The following RTBDN variants were observed in gnomAD, a reference collection of about 807,000 sequenced individuals.
The protein encoded by RTBDN is retbindin.
RTBDN carries 24 observed loss-of-function variants against 21.9 expected under a neutral mutation model. The observed-to-expected ratio is 1.10, with a 90% CI of 0.79 to 1.54. The LOEUF is 1.54. Among genes scored for constraint, RTBDN ranks in the 40% most tolerant of loss-of-function variants. The pLI is 0.00. For missense variants in RTBDN, 325 were observed against 315.2 expected, an observed-to-expected ratio of 1.03 and a Z score of -0.23; for synonymous variants, 141 against 125.9, an observed-to-expected ratio of 1.12 and a Z score of -0.80.
upstream of RTBDN, chr19:12,835,391 C>T (rs1291606670): frequency 2.3e-6 from 1 of 442,194 alleles, no homozygotes; most frequent in Non-Finnish European, 4.1e-6. Flanking sequence ...AGAGCAAGTA[C>T]TGCAGCAGCC....
chr19:12,834,447 G>T lies in RTBDN; in HGVS notation c.-19+42C>A. 2 of 1,455,596 alleles carry T rather than the reference G, an allele frequency of 1.4e-6. No homozygotes were observed. The highest frequency in any genetic ancestry group is 9.3e-7 in the Non-Finnish European group (1 of 1,074,302). 90.2% of individuals were successfully genotyped at this position (1,455,596 alleles called of 1,614,324 possible). ...AACCTCGCCCCTCACCACCCCAGGA[G>T]CCCCCTCCCGAGGCATAGGACGCCC... On this transcript the variant is annotated intron_variant, in intron 1 of 5. Coordinates refer to ENST00000674343, the MANE Select transcript of RTBDN (RefSeq NM_001270441.2). This position sits in a 1 kb window ranked among gnomAD's most constrained non-coding sequence, Gnocchi z 4.7.
chr19:12,834,516 T>C lies in RTBDN; in HGVS notation c.-46A>G. ...GCCTGGCCATCAGGATTCTTCCTACTGCCCTAATTGGACAGGCACCTAGAC... is the reference window on the plus strand; with the variant it reads ...GCCTGGCCATCAGGATTCTTCCTACCGCCCTAATTGGACAGGCACCTAGAC... On this transcript the variant is annotated 5_prime_UTR_variant, in exon 1 of 6. Coordinates refer to ENST00000674343, the MANE Select transcript of RTBDN (RefSeq NM_001270441.2). This position sits in a 1 kb window ranked among gnomAD's most constrained non-coding sequence, Gnocchi z 4.7. 6.5e-7 allele frequency: 1 copy of C among 1,535,542 alleles called. No individual in the cohort carries two copies. The highest frequency in any genetic ancestry group is 8.7e-7 in the Non-Finnish European group (1 of 1,146,626).
At chr19:12,833,576 A>T (rs1969651813) in intron 1 of RTBDN, among the ~76,000 whole-genome samples, 1 of 151,948 alleles carries the variant, frequency 6.6e-6, no homozygotes, top group Non-Finnish European at 1.5e-5. Context: ...ATGTAGAGGG[A>T]ATGTATCTCA....
intron 1 of RTBDN, among the ~76,000 whole-genome samples, chr19:12,831,883 TG>T (rs1268549332): frequency 6.6e-6 from 1 of 152,228 alleles, no homozygotes; most frequent in Non-Finnish European, 1.5e-5. Flanking sequence ...ATAATTTGTG[TG>T]CAACTGGACA....
chr19:12,832,130 T>G (rs1568401221), intron 1 of RTBDN, among the ~76,000 whole-genome samples: 1 of 152,166 alleles, frequency 6.6e-6, no homozygotes, highest in Admixed American at 6.5e-5. Flanking sequence ...GGTCTGTGTT[T>G]GTGGAGTATA....
In RTBDN at chr19:12,830,689, G is replaced by A; in HGVS notation, c.-18-692C>T. 5.1e-6 allele frequency: 5 copies of A among 985,594 alleles called. No individual in the cohort carries two copies. The highest frequency in any genetic ancestry group is 4.8e-6 in the Non-Finnish European group (4 of 830,056). 61.1% of individuals were successfully genotyped at this position (985,594 alleles called of 1,614,324 possible). A position where few individuals can be genotyped will look rare whatever the true frequency, so the allele number is the denominator to read the frequency against. ...CAGGAAACTGGCTGCTGAAAGGGGC[G>A]TGGCTTAATGCAGGGGCGGGACCTC... On this transcript the variant is annotated intron_variant, in intron 1 of 5. Transcript: ENST00000674343. This position sits in a 1 kb window ranked among gnomAD's most constrained non-coding sequence, Gnocchi z 4.2.
chr19:12,830,253 C>T lies in RTBDN; in HGVS notation c.-18-256G>A. On this transcript the variant is annotated intron_variant, in intron 1 of 5. Coordinates refer to ENST00000674343, the MANE Select transcript of RTBDN (RefSeq NM_001270441.2). This position sits in a 1 kb window ranked among gnomAD's most constrained non-coding sequence, Gnocchi z 4.2. ...CCCAACCAAGCTTAGACCACAGTGG[C>T]CCTCCTCCCATCCAGCAGGATCTCC... 8.1e-7 allele frequency: 1 copy of T among 1,228,506 alleles called. No homozygotes were observed. The highest frequency in any genetic ancestry group is 1.0e-6 in the Non-Finnish European group (1 of 980,948). 76.1% of individuals were successfully genotyped at this position (1,228,506 alleles called of 1,614,324 possible).
chr19:12,826,714 A>C (rs1969314577), intron 5 of RTBDN, 61 bp downstream of exon 5: 2 of 1,099,002 alleles, frequency 1.8e-6, no homozygotes, highest in East Asian at 5.2e-5. Context: ...TAAATAAATA[A>C]ATAAATAACT....
chr19:12,826,079 AGTGGGG>A (rs1200937882), intron 5 of RTBDN, 146 bp from the exon 6 acceptor site: 1 of 1,402,284 alleles, frequency 7.1e-7, no homozygotes, highest in Non-Finnish European at 9.2e-7. Context: ...GCGGAACGTG[AGTGGGG>A]GCAGGTCCTT....
At chr19:12,834,730 A>C, upstream of RTBDN, 2 of 1,589,020 alleles carry the variant, frequency 1.3e-6, no homozygotes, top group South Asian at 2.2e-5. The surrounding 1 kb of genome is among the most constrained non-coding windows in gnomAD (Gnocchi z 4.7). Flanking sequence ...GACACTGAGG[A>C]TCGCTGTGGA....
intron 1 of RTBDN, among the ~76,000 whole-genome samples, chr19:12,831,202 GT>G (rs1042693461): frequency 3.3e-5 from 5 of 152,090 alleles, no homozygotes; most frequent in African/African-American, 1.2e-4. Context: ...GTGGATAAAG[GT>G]TTTTGACCAT....
chr19:12,826,139 G>C, intron 5 of RTBDN: 2 of 1,392,314 alleles, frequency 1.4e-6, no homozygotes, highest in Non-Finnish European at 1.9e-6. Flanking sequence ...GGATGAATCA[G>C]GGTTGGGGCA....
Position 12,829,985 on chromosome 19 carries a change from C to T in RTBDN, c.-6G>A, listed in dbSNP as rs1407901644. ...ATGTGGACCCTGCAGTCCATGTCCACCTGAGATAAGAGCTGGCAGGCATAG... is the reference window on the plus strand; with the variant it reads ...ATGTGGACCCTGCAGTCCATGTCCATCTGAGATAAGAGCTGGCAGGCATAG... On this transcript the variant is annotated 5_prime_UTR_variant, in exon 2 of 6. The change creates a new upstream start codon in the 5' untranslated region. Transcript: ENST00000674343. 6.2e-7 allele frequency: 1 copy of T among 1,604,778 alleles called. No homozygotes were observed. The highest frequency in any genetic ancestry group is 1.7e-5 in the Admixed American group (1 of 59,836).
upstream of RTBDN, chr19:12,834,800 G>A: frequency 1.9e-6 from 3 of 1,614,184 alleles, no homozygotes; most frequent in Non-Finnish European, 2.5e-6. This position sits in a 1 kb window ranked among gnomAD's most constrained non-coding sequence, Gnocchi z 4.7. Context: ...AGGTGGGGAG[G>A]GATTCTGTAG....
rs1969258675 is a variant in RTBDN, at chr19:12,825,696, C to T, written c.*10G>A. ...AAGGGTCGCTCCCCCAACTCAGGGC[C>T]ACGCGTCCGCTAGGGGCCGCTGCCG... On this transcript the variant is annotated 3_prime_UTR_variant, in exon 6 of 6. Coordinates refer to ENST00000674343, the MANE Select transcript of RTBDN (RefSeq NM_001270441.2). The T allele has an allele frequency of 1.9e-6, 3 of 1,555,006 alleles. No individual in the cohort carries two copies. Among genetic ancestry groups the T allele is most frequent in the African/African-American group, 1.4e-5 (1 of 73,442 alleles).
chr19:12,831,435 T>C (rs1235742015), intron 1 of RTBDN, among the ~76,000 whole-genome samples: 1 of 152,222 alleles, frequency 6.6e-6, no homozygotes, highest in Admixed American at 6.5e-5. Flanking sequence ...CCAGGCATGG[T>C]GGTTCACACC....
At position 12,828,716 on chromosome 19, in the gene RTBDN, G is replaced by A. The variant is rs763468296; in HGVS notation, c.306C>T (p.Arg102=). 1.1e-5 allele frequency: 18 copies of A among 1,614,136 alleles called. No homozygotes were observed. In the East Asian group the frequency reaches 4.0e-4, roughly 36 times the overall value. Residue 102 remains arginine, a synonymous_variant, in exon 4 of 6, where the codon CGC becomes CGT. Coordinates refer to ENST00000674343, the MANE Select transcript of RTBDN (RefSeq NM_001270441.2). ...HLQRALRSRF[R]LRLLGVRQAQ... Reference sequence around the variant, plus strand: ...CCTGGCGTACCCCCAATAGCCGCAGGCGGAAGCGACTGCGAAGGGCACGTT... The same window carrying A: ...CCTGGCGTACCCCCAATAGCCGCAGACGGAAGCGACTGCGAAGGGCACGTT...
chr19:12,830,123 C>T lies in RTBDN; in HGVS notation c.-18-126G>A. On this transcript the variant is annotated intron_variant, in intron 1 of 5. Coordinates refer to ENST00000674343, the MANE Select transcript of RTBDN (RefSeq NM_001270441.2). The surrounding 1 kb of genome is among the most constrained non-coding windows in gnomAD (Gnocchi z 4.2). ...AGTGCAGCTGAGGAGGAGGCTGGGGCAGTGGCCAAGGACGTTCAAATCCCA... is the reference window on the plus strand; with the variant it reads ...AGTGCAGCTGAGGAGGAGGCTGGGGTAGTGGCCAAGGACGTTCAAATCCCA... The T allele has an allele frequency of 1.5e-6, 2 of 1,312,016 alleles. No individual in the cohort carries two copies. Among genetic ancestry groups the T allele is most frequent in the Non-Finnish European group, 1.0e-6 (1 of 975,264 alleles). The allele number at this position is 1,312,016 out of a possible 1,614,324, so 81.3% of individuals were successfully genotyped here. A position where few individuals can be genotyped will look rare whatever the true frequency, so the allele number is the denominator to read the frequency against.
chr19:12,830,321 A>G lies in RTBDN; in HGVS notation c.-18-324T>C. Reference sequence around the variant, plus strand: ...AGAGACCCCTTCTTTTCTCAGAATGAAGGGGACCTCCCTAGGTCTTCCAAT... The same window carrying G: ...AGAGACCCCTTCTTTTCTCAGAATGGAGGGGACCTCCCTAGGTCTTCCAAT... On this transcript the variant is annotated intron_variant, in intron 1 of 5. Transcript: ENST00000674343. This position sits in a 1 kb window ranked among gnomAD's most constrained non-coding sequence, Gnocchi z 4.2. 1 of 1,066,986 alleles carries G rather than the reference A, an allele frequency of 9.4e-7. No homozygotes were observed. The highest frequency in any genetic ancestry group is 1.1e-6 in the Non-Finnish European group (1 of 881,324). The allele number at this position is 1,066,986 out of a possible 1,614,324, so 66.1% of individuals were successfully genotyped here. A position where few individuals can be genotyped will look rare whatever the true frequency, so the allele number is the denominator to read the frequency against.
Sources: gnomAD v4.1 joint callset for allele counts (sites outside exome capture counted in the v4.1 genomes callset) on GRCh38, gnomAD v4.1.1 for gene constraint, Gnocchi (gnomAD v3.1) non-coding constraint, MANE v1.5 for transcripts, NCBI Gene and HGNC (gene_info 2026-07-23, HGNC 2026-07-21) for gene names.